RAB38: variants seen among roughly 807,000 people sequenced by gnomAD.
RAB38 encodes ras-related protein Rab-38.
Under a neutral mutation model 18.4 loss-of-function variants are expected in RAB38, and 15 were observed. The observed-to-expected ratio is 0.82, with a 90% CI of 0.55 to 1.26. The LOEUF is 1.26. RAB38 is among the 50% of genes most tolerant of loss of function. RAB38 has a pLI of 0.00. For missense variants in RAB38, 294 were observed against 267.4 expected (o/e 1.10, Z -0.69); for synonymous variants, 101 against 104.4 (o/e 0.97, Z 0.20).
At chr11:88,029,024 G>A in the RAB38 span, among the ~76,000 whole-genome samples, 25 of 152,094 alleles carry the variant, frequency 1.6e-4, no homozygotes, top group East Asian at 1.6e-3. Flanking sequence ...GACTAACAGC[G>A]GATCTCTCGG....
the RAB38 span, chr11:88,098,603 T>A: frequency 6.6e-6 from 1 of 151,908 alleles, no homozygotes; most frequent in Admixed American, 6.6e-5. Flanking sequence ...ATCTTTCCAT[T>A]CTCTGTTTTT....
the RAB38 span, among the ~76,000 whole-genome samples, chr11:87,916,109 G>T: frequency 1.3e-3 from 194 of 152,230 alleles, no homozygotes; most frequent in African/African-American, 4.5e-3. Context: ...ACCTGTCTCA[G>T]ATGGGACTGA....
At chr11:88,063,755 G>T in the RAB38 span, among the ~76,000 whole-genome samples, 1 of 152,138 alleles carries the variant, frequency 6.6e-6, no homozygotes, top group Non-Finnish European at 1.5e-5. Flanking sequence ...CCCAGCACAT[G>T]CTCTCTTGCC....
chr11:88,140,476 C>T (rs994936272), intron 2 of RAB38, among the ~76,000 whole-genome samples: 1 of 152,200 alleles, frequency 6.6e-6, no homozygotes, highest in Non-Finnish European at 1.5e-5. Context: ...CAAGTGATTA[C>T]TCTCTGCACA....
the RAB38 span, among the ~76,000 whole-genome samples, chr11:87,863,889 C>T: frequency 2.0e-5 from 3 of 151,686 alleles, no homozygotes; most frequent in Non-Finnish European, 4.4e-5. Flanking sequence ...TAATACAGTG[C>T]TTTTTCCTAT....
chr11:88,118,079 T>C (rs933962994), intron 2 of RAB38, among the ~76,000 whole-genome samples: 1 of 152,202 alleles, frequency 6.6e-6, no homozygotes, highest in African/African-American at 2.4e-5. Context: ...ACATGTTTAC[T>C]ACAAAAGGCA....
At chr11:88,048,505 G>C in the RAB38 span, among the ~76,000 whole-genome samples, 18 of 151,998 alleles carry the variant, frequency 1.2e-4, no homozygotes, top group South Asian at 6.2e-4. Context: ...AAAAGGACTG[G>C]ACAGTACTTT....
chr11:87,902,558 G>A, the RAB38 span, among the ~76,000 whole-genome samples: 92 of 151,484 alleles, frequency 6.1e-4, 3 homozygotes, highest in South Asian at 0.019. Context: ...GTCTGTTGGG[G>A]TTTTGATTAG....
the RAB38 span, among the ~76,000 whole-genome samples, chr11:88,079,407 A>T: frequency 0.13 from 19,935 of 151,786 alleles, 1,429 homozygotes; most frequent in Admixed American, 0.2. Context: ...ATATTATTTA[A>T]GAACTCCAAT....
intron 1 of RAB38, among the ~76,000 whole-genome samples, chr11:88,174,633 A>C (rs1325338622): frequency 6.0e-5 from 9 of 148,954 alleles, no homozygotes; most frequent in East Asian, 1.9e-4. Flanking sequence ...AAAAAAAAAA[A>C]AAAAAAAACA....
At chr11:88,109,441 C>T (rs1303376603), downstream of RAB38, among the ~76,000 whole-genome samples, 5 of 152,140 alleles carry the variant, frequency 3.3e-5, no homozygotes, top group Admixed American at 6.6e-5. Context: ...TAGGCAACTC[C>T]ATTCAGGACA....
At chr11:87,861,855 C>T in the RAB38 span, among the ~76,000 whole-genome samples, 5 of 151,684 alleles carry the variant, frequency 3.3e-5, no homozygotes, top group Non-Finnish European at 5.9e-5. Flanking sequence ...CAGTTAATAA[C>T]GTACAACAGA....
the RAB38 span, among the ~76,000 whole-genome samples, chr11:88,102,201 T>G: frequency 1.3e-3 from 197 of 152,156 alleles, 1 homozygote; most frequent in African/African-American, 4.5e-3. Flanking sequence ...TCAGGATACA[T>G]GCCAGGTTGT....
At chr11:88,126,440 T>A (rs1169308205) in intron 2 of RAB38, among the ~76,000 whole-genome samples, 1 of 152,084 alleles carries the variant, frequency 6.6e-6, no homozygotes, top group Non-Finnish European at 1.5e-5. Context: ...CTCAGCAAAC[T>A]ATCACAAGGA....
the RAB38 span, among the ~76,000 whole-genome samples, chr11:87,963,142 C>G: frequency 6.6e-6 from 1 of 152,008 alleles, no homozygotes; most frequent in Admixed American, 6.6e-5. Flanking sequence ...GTTATAAAAA[C>G]TGTAACAGTA....
At chr11:87,845,238 G>A in the RAB38 span, among the ~76,000 whole-genome samples, 2 of 152,068 alleles carry the variant, frequency 1.3e-5, 1 homozygote, top group Admixed American at 1.3e-4. Context: ...GCAAAAGATA[G>A]TAACACTAGG....
the RAB38 span, among the ~76,000 whole-genome samples, chr11:88,033,278 G>C: frequency 6.6e-6 from 1 of 151,952 alleles, no homozygotes; most frequent in Non-Finnish European, 1.5e-5. Flanking sequence ...CCTAATGCTA[G>C]ATGACGAGTT....
chr11:87,926,512 T>TTTTG, the RAB38 span, among the ~76,000 whole-genome samples: 34,312 of 150,904 alleles, frequency 0.23, 4,297 homozygotes, highest in South Asian at 0.38. Flanking sequence ...ATGGTGGTTT[T>TTTTG]TTTGTTTGTT....
intron 2 of RAB38, among the ~76,000 whole-genome samples, chr11:88,132,021 A>G (rs1942772223): frequency 6.6e-6 from 1 of 152,196 alleles, no homozygotes. Flanking sequence ...GAGTTCTGCC[A>G]ACAACCTGAA....
Sources: gnomAD v4.1 joint callset for allele counts (sites outside exome capture counted in the v4.1 genomes callset) on GRCh38, gnomAD v4.1.1 for gene constraint, MANE v1.5 for transcripts, NCBI Gene and HGNC (gene_info 2026-07-23, HGNC 2026-07-21) for gene names.